Variants in NRG3 observed in about 807,000 individuals in gnomAD.
NRG3 encodes neuregulin 3.
In NRG3, 31 loss-of-function variants were observed where a neutral mutation model predicts 66.9. The ratio of observed to expected loss-of-function variants is 0.46; its 90% confidence interval spans 0.35 to 0.63. The LOEUF (loss-of-function observed/expected upper bound fraction) is 0.63, where lower values mean the gene tolerates loss of function less well. Ranked by LOEUF, NRG3 falls within the 20% of genes least tolerant of loss-of-function variation. NRG3 has a pLI of 0.00. For missense variants in NRG3, 910 were observed against 878.9 expected, an observed-to-expected ratio of 1.04 and a Z score of -0.45; for synonymous variants, 393 against 359.4, an observed-to-expected ratio of 1.09 and a Z score of -1.06.
chr10:82,160,117 G>A (rs1222070950), intron 1 of NRG3, among the ~76,000 whole-genome samples: 1 of 151,964 alleles, frequency 6.6e-6, no homozygotes, highest in Non-Finnish European at 1.5e-5. Flanking sequence ...TGGTTGACAA[G>A]TGTGAATTTA....
chr10:82,076,622 T>A (rs181861421), intron 1 of NRG3, among the ~76,000 whole-genome samples: 1 of 152,148 alleles, frequency 6.6e-6, no homozygotes, highest in African/African-American at 2.4e-5. Context: ...GAGTGAGTTC[T>A]AGCTCTGGCA....
intron 1 of NRG3, among the ~76,000 whole-genome samples, chr10:81,915,385 T>C (rs999975370): frequency 6.6e-6 from 1 of 152,008 alleles, no homozygotes; most frequent in Non-Finnish European, 1.5e-5. Context: ...TACAGAAAAA[T>C]ACAGGGTTTT....
At chr10:82,259,871 AC>A (rs1044622382) in intron 1 of NRG3, among the ~76,000 whole-genome samples, 4 of 152,140 alleles carry the variant, frequency 2.6e-5, no homozygotes, top group Non-Finnish European at 5.9e-5. Flanking sequence ...GTTTGAAGTT[AC>A]CATGAGATAT....
chr10:81,911,833 A>G (rs1400216526), intron 1 of NRG3, among the ~76,000 whole-genome samples: 1 of 152,038 alleles, frequency 6.6e-6, no homozygotes, highest in East Asian at 1.9e-4. Context: ...ATTACTTTGG[A>G]TTCCTAACAA....
At chr10:82,132,525 G>GATATATATGATATATATATCATAT (rs2068981322) in intron 1 of NRG3, among the ~76,000 whole-genome samples, 5 of 54,764 alleles carry the variant, frequency 9.1e-5, no homozygotes, top group Admixed American at 1.8e-4. Context: ...TGATATATAT[G>GATATATATGATATATATATCATAT]ATATATATAT....
At chr10:82,166,646 A>G (rs2072080472) in intron 1 of NRG3, 1 of 384,930 alleles carries the variant, frequency 2.6e-6, no homozygotes, top group Non-Finnish European at 4.6e-6. Flanking sequence ...ATATATACAC[A>G]CATATATATG....
intron 2 of NRG3, among the ~76,000 whole-genome samples, chr10:82,547,530 T>C (rs1304525319): frequency 6.6e-6 from 1 of 151,462 alleles, no homozygotes; most frequent in East Asian, 1.9e-4. Context: ...AGTGTGTATA[T>C]GTATAGACAC....
chr10:82,196,320 T>C (rs1428994324), intron 1 of NRG3, among the ~76,000 whole-genome samples: 1 of 152,196 alleles, frequency 6.6e-6, no homozygotes, highest in Non-Finnish European at 1.5e-5. Flanking sequence ...ATTTCTACAT[T>C]AGAAGGAGAT....
intron 3 of NRG3, among the ~76,000 whole-genome samples, chr10:82,817,898 A>T (rs1323209199): frequency 6.6e-6 from 1 of 152,230 alleles, no homozygotes; most frequent in East Asian, 1.9e-4. Flanking sequence ...GTTACTAGGC[A>T]AAGTGTAAGA....
intron 1 of NRG3, among the ~76,000 whole-genome samples, chr10:82,249,514 G>A (rs1027302773): frequency 1.3e-5 from 2 of 152,096 alleles, no homozygotes. Flanking sequence ...GATACTGTTG[G>A]ATATTTGTTG....
At chr10:82,399,776 G>A (rs2086957633) in intron 2 of NRG3, among the ~76,000 whole-genome samples, 1 of 152,188 alleles carries the variant, frequency 6.6e-6, no homozygotes, top group South Asian at 2.1e-4. Context: ...TAACAGCAAG[G>A]CATTGAGAGT....
Position 81,877,818 on chromosome 10 carries a change from C to G in NRG3, c.823+1655C>G, listed in dbSNP as rs1589320304. 3 of 1,424,978 alleles carry G rather than the reference C, an allele frequency of 2.1e-6. No homozygotes were observed. In the African/African-American group the frequency reaches 4.4e-5, roughly 21 times the overall value. 88.3% of individuals were successfully genotyped at this position (1,424,978 alleles called of 1,614,324 possible). ...TTTTCCCAGGAGGTGTTTAGAGCCT[C>G]CACTCAACAAATCTAGCTTGTGTTT... is the stretch of plus-strand genomic sequence containing the variant. On this transcript the variant is annotated intron_variant, in intron 1 of 8. Transcript: ENST00000372141.
intron 2 of NRG3, among the ~76,000 whole-genome samples, chr10:82,538,470 A>C (rs775945855): frequency 6.6e-6 from 1 of 152,198 alleles, no homozygotes; most frequent in East Asian, 1.9e-4. Flanking sequence ...TCCTTTTAAA[A>C]TATCTTACCA....
intron 3 of NRG3, among the ~76,000 whole-genome samples, chr10:82,778,710 G>C (rs118141537): frequency 3.3e-5 from 5 of 152,056 alleles, no homozygotes; most frequent in Non-Finnish European, 5.9e-5. Flanking sequence ...TTCTTGGCTG[G>C]GCAGGAGTGT....
chr10:82,603,833 A>G (rs2133423046), intron 2 of NRG3, among the ~76,000 whole-genome samples: 1 of 152,336 alleles, frequency 6.6e-6, no homozygotes, highest in African/African-American at 2.4e-5. Flanking sequence ...CTCTATACAC[A>G]TGGCATTGGA....
At chr10:82,202,012 G>A (rs1251592057) in intron 1 of NRG3, among the ~76,000 whole-genome samples, 3 of 152,126 alleles carry the variant, frequency 2.0e-5, no homozygotes, top group Non-Finnish European at 4.4e-5. Context: ...GAAAGGAAGA[G>A]GAAGAAACAG....
At chr10:82,741,337 G>T (rs1369416467) in intron 3 of NRG3, among the ~76,000 whole-genome samples, 2 of 152,132 alleles carry the variant, frequency 1.3e-5, no homozygotes, top group African/African-American at 2.4e-5. Context: ...TAAACATGGG[G>T]ATGAATTTGG....
chr10:82,848,159 T>A (rs2132379), intron 3 of NRG3, among the ~76,000 whole-genome samples: 54,094 of 152,088 alleles, frequency 0.36, 10,200 homozygotes, highest in African/African-American at 0.5. Flanking sequence ...ACTTTATATC[T>A]GACATTGTGT....
intron 2 of NRG3, among the ~76,000 whole-genome samples, chr10:82,442,504 A>T (rs1478079017): frequency 6.6e-6 from 1 of 152,182 alleles, no homozygotes; most frequent in Non-Finnish European, 1.5e-5. Context: ...GAAGCATAAC[A>T]TGGGCAAAGT....
Sources: allele counts gnomAD v4.1 joint callset (sites outside exome capture counted in the v4.1 genomes callset), GRCh38; gene constraint gnomAD v4.1.1; transcripts MANE v1.5; gene names NCBI Gene and HGNC (gene_info 2026-07-23, HGNC 2026-07-21).